The following SPAG16 variants were observed in gnomAD, a reference collection of about 807,000 sequenced individuals.
SPAG16 encodes the protein sperm associated antigen 16, also known as sperm-associated antigen 16 protein.
In SPAG16, 86 loss-of-function variants were observed where a neutral mutation model predicts 80.4. That is an observed-to-expected ratio of 1.07 (90% CI 0.90 to 1.28). SPAG16 has a LOEUF of 1.28. SPAG16 is among the 50% of genes most tolerant of loss of function. The pLI, the probability that SPAG16 is intolerant of heterozygous loss-of-function variation, is 0.00. For synonymous variants in SPAG16, 294 were observed against 265.9 expected (o/e 1.11, Z -1.03); for missense variants, 870 against 765.3 (o/e 1.14, Z -1.61).
chr2:213,882,718 T>G (rs1281907702), intron 11 of SPAG16, among the ~76,000 whole-genome samples: 1 of 152,222 alleles, frequency 6.6e-6, no homozygotes, highest in African/African-American at 2.4e-5. Context: ...TAGTGGTCTA[T>G]TCATCTAATT....
intron 11 of SPAG16, among the ~76,000 whole-genome samples, chr2:213,909,043 A>G (rs2106157806): frequency 6.6e-6 from 1 of 152,176 alleles, no homozygotes; most frequent in Non-Finnish European, 1.5e-5. Flanking sequence ...TTTATCCAAA[A>G]TCAATGTACA....
At chr2:214,252,122 A>C (rs567357865) in intron 15 of SPAG16, among the ~76,000 whole-genome samples, 7 of 152,194 alleles carry the variant, frequency 4.6e-5, no homozygotes, top group African/African-American at 1.7e-4. Flanking sequence ...AAGTCTGTAA[A>C]AATAAAAAAT....
chr2:214,010,688 AC>A (rs2047241806), intron 12 of SPAG16, among the ~76,000 whole-genome samples: 1 of 146,722 alleles, frequency 6.8e-6, no homozygotes, highest in Non-Finnish European at 1.5e-5. Context: ...CTGTTGAAGT[AC>A]TGAATAATCA....
At chr2:214,345,561 G>A (rs1239839944) in intron 15 of SPAG16, among the ~76,000 whole-genome samples, 2 of 151,892 alleles carry the variant, frequency 1.3e-5, no homozygotes, top group Non-Finnish European at 2.9e-5. Context: ...ACTATTACTT[G>A]CATCAAAAAT....
chr2:214,311,286 T>C (rs756282326), intron 15 of SPAG16, among the ~76,000 whole-genome samples: 4 of 152,262 alleles, frequency 2.6e-5, no homozygotes, highest in African/African-American at 4.8e-5. Context: ...CCTCTGTAGT[T>C]GCCAAAGTCA....
intron 1 of SPAG16, among the ~76,000 whole-genome samples, chr2:213,286,252 C>T (rs1490432741): frequency 6.6e-6 from 1 of 152,092 alleles, no homozygotes; most frequent in Non-Finnish European, 1.5e-5. Context: ...ATTATCCAAC[C>T]CATTTGCTTT....
intron 12 of SPAG16, among the ~76,000 whole-genome samples, chr2:213,959,389 G>C (rs543709512): frequency 6.6e-6 from 1 of 152,206 alleles, no homozygotes; most frequent in East Asian, 1.9e-4. Flanking sequence ...GTTGTATCCA[G>C]TCACCTTTCA....
At chr2:213,476,614 T>G (rs1391804172) in intron 9 of SPAG16, among the ~76,000 whole-genome samples, 4 of 152,210 alleles carry the variant, frequency 2.6e-5, no homozygotes, top group Non-Finnish European at 2.9e-5. Context: ...TTACTCAAAC[T>G]TTAATTGATC....
intron 10 of SPAG16, among the ~76,000 whole-genome samples, chr2:213,733,220 G>GTTTT (rs57605351): frequency 6.7e-6 from 1 of 149,312 alleles, no homozygotes; most frequent in Non-Finnish European, 1.5e-5. Flanking sequence ...TAATGGGGTT[G>GTTTT]TTTTTTTTTT....
chr2:213,385,070 T>C (rs565312031), intron 9 of SPAG16, among the ~76,000 whole-genome samples: 42 of 152,306 alleles, frequency 2.8e-4, no homozygotes, highest in Middle Eastern at 3.4e-3. Context: ...GAACCACAAC[T>C]GAGCTTCTCA....
chr2:213,816,727 A>G (rs944734785), intron 10 of SPAG16, among the ~76,000 whole-genome samples: 4 of 152,090 alleles, frequency 2.6e-5, no homozygotes, highest in Non-Finnish European at 5.9e-5. Flanking sequence ...CTAGGCCTCC[A>G]GTGACACATA....
intron 10 of SPAG16, among the ~76,000 whole-genome samples, chr2:213,814,563 G>A (rs560929396): frequency 1.2e-3 from 184 of 152,220 alleles, no homozygotes; most frequent in African/African-American, 4.1e-3. Context: ...AAGCCAAGGC[G>A]GGCGGATCAT....
At chr2:214,409,188 C>G (rs971885885) in intron 15 of SPAG16, among the ~76,000 whole-genome samples, 1 of 149,234 alleles carries the variant, frequency 6.7e-6, no homozygotes, top group African/African-American at 2.6e-5. Context: ...TTATCCATAT[C>G]AAGCACTAAA....
At chr2:213,398,037 CTA>C (rs1230657991) in intron 9 of SPAG16, among the ~76,000 whole-genome samples, 1 of 152,144 alleles carries the variant, frequency 6.6e-6, no homozygotes, top group Non-Finnish European at 1.5e-5. Flanking sequence ...CCAAAAAACT[CTA>C]GAGTCATCCC....
chr2:214,205,226 A>T (rs1576491105), intron 15 of SPAG16, among the ~76,000 whole-genome samples: 1 of 134,566 alleles, frequency 7.4e-6, no homozygotes, highest in East Asian at 2.0e-4. Context: ...TCTGCCAAAA[A>T]AAAAGAAAGA....
chr2:213,449,007 A>G (rs1482399418), intron 9 of SPAG16, among the ~76,000 whole-genome samples: 1 of 152,170 alleles, frequency 6.6e-6, no homozygotes, highest in African/African-American at 2.4e-5. Flanking sequence ...ACAGTTGTGC[A>G]AGTAGGAGAG....
intron 10 of SPAG16, among the ~76,000 whole-genome samples, chr2:213,832,661 T>C (rs929560353): frequency 1.3e-5 from 2 of 152,074 alleles, no homozygotes; most frequent in Admixed American, 1.3e-4. Flanking sequence ...GAACAGACAG[T>C]CCTTGCTAGG....
intron 14 of SPAG16, among the ~76,000 whole-genome samples, chr2:214,124,704 A>C (rs2054391149): frequency 6.6e-6 from 1 of 151,832 alleles, no homozygotes; most frequent in Admixed American, 6.7e-5. Flanking sequence ...CCATACTTGA[A>C]GAAGTGACTG....
At chr2:213,492,961 C>A (rs995484118) in intron 10 of SPAG16, among the ~76,000 whole-genome samples, 1 of 152,154 alleles carries the variant, frequency 6.6e-6, no homozygotes, top group Non-Finnish European at 1.5e-5. Flanking sequence ...CTCTCTCTCT[C>A]GTTTCTCCTT....
Sources: allele counts gnomAD v4.1 joint callset (sites outside exome capture counted in the v4.1 genomes callset), GRCh38; gene constraint gnomAD v4.1.1; transcripts MANE v1.5; gene names NCBI Gene and HGNC (gene_info 2026-07-23, HGNC 2026-07-21).